The following OR8I2 variants were observed in gnomAD, a reference collection of about 807,000 sequenced individuals.
OR8I2 encodes the protein olfactory receptor family 8 subfamily I member 2, also known as olfactory receptor 8I2.
For missense variants in OR8I2, 431 were observed against 368.3 expected, an observed-to-expected ratio of 1.17 and a Z score of -1.39; for synonymous variants, 158 against 142.8, an observed-to-expected ratio of 1.11 and a Z score of -0.76.
Position 56,093,456 on chromosome 11 carries a change from GAAT to G in OR8I2, c.150_152del (p.Met51del). 6.2e-7 allele frequency: 1 copy of G among 1,613,876 alleles called. No individual in the cohort carries two copies. Among genetic ancestry groups the G allele is most frequent in the Non-Finnish European group, 8.5e-7 (1 of 1,179,882 alleles). Reference sequence around the variant, plus strand: ...AACCTGGGACTGATCACGTTAATCAGAATGGATTCTCAGCTTCACACCCCTATG... The same window carrying G: ...AACCTGGGACTGATCACGTTAATCAGGGATTCTCAGCTTCACACCCCTATG... On this transcript the variant is annotated inframe_deletion, in exon 1 of 1. Coordinates refer to ENST00000302124, the MANE Select transcript of OR8I2 (RefSeq NM_001003750.1).
chr11:56,093,694 CTTACTGTA>C lies in OR8I2; in HGVS notation c.390_397del (p.Leu130PhefsTer38). On this transcript the variant is annotated frameshift_variant, in exon 1 of 1. Transcript: ENST00000302124. LOFTEE classifies it low-confidence loss of function (END_TRUNC). ...ATCGCTACATAGCAATCTGCAATCC[CTTACTGTA>C]TTCAGTAGTCATGTCCCAAAAAGTG... The C allele has an allele frequency of 6.2e-7, 1 of 1,614,004 alleles. No individual in the cohort carries two copies. Among genetic ancestry groups the C allele is most frequent in the Non-Finnish European group, 8.5e-7 (1 of 1,179,954 alleles).
At position 56,094,095 on chromosome 11, in the gene OR8I2, A is replaced by G; in HGVS notation, c.788A>G (p.Asn263Ser). The G allele has an allele frequency of 3.1e-6, 5 of 1,614,064 alleles. No individual in the cohort carries two copies. In the South Asian group the frequency reaches 5.5e-5, roughly 18 times the overall value. The change falls in exon 1 of 1, where the codon AAC (asparagine) becomes AGC (serine). Residue 263 changes from asparagine to serine, a missense_variant. Physicochemically the swap from Asn to Ser is conservative, Grantham distance 46. Transcript: ENST00000302124. ...ATTTTCACCTATTTGCAACCTGATA[A>G]CACATCATCGCTGACCCAGGCGCAG... ...SLIFTYLQPD[N>S]TSSLTQAQVA...
chr11:56,093,582 T>C lies in OR8I2; in HGVS notation c.275T>C (p.Ile92Thr), dbSNP rs770392973. ...LVNFQSNRRSISFVGCFVQMY... is the reference protein window; with the variant it reads ...LVNFQSNRRSTSFVGCFVQMY... ...AATTTCCAATCCAATCGGAGATCCATCTCCTTTGTTGGCTGCTTTGTTCAA... is the reference window on the plus strand; with the variant it reads ...AATTTCCAATCCAATCGGAGATCCACCTCCTTTGTTGGCTGCTTTGTTCAA... The change falls in exon 1 of 1, where the codon ATC (isoleucine) becomes ACC (threonine). Residue 92 changes from isoleucine (I) to threonine (T), a missense_variant. Physicochemically the swap from Ile to Thr is moderately conservative, Grantham distance 89 (BLOSUM62 -1). Coordinates refer to ENST00000302124, the MANE Select transcript of OR8I2 (RefSeq NM_001003750.1). The C allele has an allele frequency of 1.2e-6, 2 of 1,613,966 alleles. No homozygotes were observed. The highest frequency in any genetic ancestry group is 2.2e-5 in the East Asian group (1 of 44,862).
chr11:56,094,221 A>G lies in OR8I2; in HGVS notation c.914A>G (p.His305Arg), dbSNP rs563867317. 19 of 1,546,844 alleles carry G rather than the reference A, an allele frequency of 1.2e-5. No individual in the cohort carries two copies. Among genetic ancestry groups the G allele is most frequent in the Non-Finnish European group, 1.6e-5 (18 of 1,136,390 alleles). Residue 305 changes from histidine (H) to arginine (R), a missense_variant, in exon 1 of 1, where the codon CAT becomes CGT. Physicochemically the swap from His to Arg is conservative, Grantham distance 29 (BLOSUM62 0). Coordinates refer to ENST00000302124, the MANE Select transcript of OR8I2 (RefSeq NM_001003750.1). ...DVKNALLRVI[H>R]RKLFP ...AAAAATGCTCTTCTGAGAGTCATACATAGAAAACTTTTTCCATGACAAATT... is the reference window on the plus strand; with the variant it reads ...AAAAATGCTCTTCTGAGAGTCATACGTAGAAAACTTTTTCCATGACAAATT...
rs370787181 is a variant in OR8I2, at chr11:56,093,678, T to C, written c.371T>C (p.Ile124Thr). The C allele has an allele frequency of 1.1e-5, 17 of 1,613,990 alleles. No homozygotes were observed. The highest frequency in any genetic ancestry group is 1.3e-5 in the African/African-American group (1 of 75,046). The part of the protein sequence containing the change: ...LLGSMAYNRY[I>T]AICNPLLYSV... Reference sequence around the variant, plus strand: ...GGATCAATGGCCTACAATCGCTACATAGCAATCTGCAATCCCTTACTGTAT... The same window carrying C: ...GGATCAATGGCCTACAATCGCTACACAGCAATCTGCAATCCCTTACTGTAT... Residue 124 changes from isoleucine (I) to threonine (T), a missense_variant, in exon 1 of 1, where the codon ATA becomes ACA. Transcript: ENST00000302124.
At position 56,093,455 on chromosome 11, in the gene OR8I2, A is replaced by T; in HGVS notation, c.148A>T (p.Arg50Ter). ...LGNLGLITLI[R>*]MDSQLHTPMY... ...AAACCTGGGACTGATCACGTTAATC[A>T]GAATGGATTCTCAGCTTCACACCCC... The change falls in exon 1 of 1, where the codon AGA (arginine) becomes TGA (stop). Residue 50 changes from arginine to a stop codon, truncating the protein, a stop_gained. Coordinates refer to ENST00000302124, the MANE Select transcript of OR8I2 (RefSeq NM_001003750.1). LOFTEE classifies it low-confidence loss of function (END_TRUNC). 1 of 1,613,966 alleles carries T rather than the reference A, an allele frequency of 6.2e-7. No individual in the cohort carries two copies. Among genetic ancestry groups the T allele is most frequent in the South Asian group, 1.1e-5 (1 of 91,088 alleles).
At position 56,093,685 on chromosome 11, in the gene OR8I2, C is replaced by G. The variant is rs1328421493; in HGVS notation, c.378C>G (p.Ile126Met). 2 of 1,613,870 alleles carry G rather than the reference C, an allele frequency of 1.2e-6. No homozygotes were observed. The highest frequency in any genetic ancestry group is 3.3e-5 in the Admixed American group (2 of 59,954). Reference protein sequence around the residue: ...GSMAYNRYIAICNPLLYSVVM... With the variant: ...GSMAYNRYIAMCNPLLYSVVM... ...TGGCCTACAATCGCTACATAGCAAT[C>G]TGCAATCCCTTACTGTATTCAGTAG... is the stretch of plus-strand genomic sequence containing the variant. Residue 126 changes from isoleucine (I) to methionine (M), a missense_variant, in exon 1 of 1, where the codon ATC becomes ATG. Coordinates refer to ENST00000302124, the MANE Select transcript of OR8I2 (RefSeq NM_001003750.1).
chr11:56,093,716 T>A lies in OR8I2; in HGVS notation c.409T>A (p.Ser137Thr). Residue 137 changes from serine to threonine, a missense_variant, in exon 1 of 1, where the codon TCC becomes ACC. Coordinates refer to ENST00000302124, the MANE Select transcript of OR8I2 (RefSeq NM_001003750.1). Reference protein sequence around the residue: ...CNPLLYSVVMSQKVSNWLGVM... With the variant: ...CNPLLYSVVMTQKVSNWLGVM... ...TCCCTTACTGTATTCAGTAGTCATG[T>A]CCCAAAAAGTGTCCAACTGGCTGGG... 1 of 1,614,020 alleles carries A rather than the reference T, an allele frequency of 6.2e-7. No individual in the cohort carries two copies. The highest frequency in any genetic ancestry group is 1.3e-5 in the African/African-American group (1 of 75,032).
chr11:56,094,018 C>T lies in OR8I2; in HGVS notation c.711C>T (p.Phe237=), dbSNP rs901218079. ...IQSAAGRQKA[F]STCASHLMAV... ...CAGCAGCAGGCAGGCAGAAGGCCTT[C>T]TCCACCTGCGCATCCCACCTCATGG... The change falls in exon 1 of 1, where the codon TTC becomes TTT. Residue 237 remains phenylalanine, a synonymous_variant. Coordinates refer to ENST00000302124, the MANE Select transcript of OR8I2 (RefSeq NM_001003750.1). The T allele has an allele frequency of 1.2e-6, 2 of 1,613,932 alleles. No individual in the cohort carries two copies. The highest frequency in any genetic ancestry group is 1.3e-5 in the African/African-American group (1 of 75,034).
At position 56,093,451 on chromosome 11, in the gene OR8I2, A is replaced by T; in HGVS notation, c.144A>T (p.Leu48Phe). 1 of 1,613,878 alleles carries T rather than the reference A, an allele frequency of 6.2e-7. No homozygotes were observed. Residue 48 changes from leucine to phenylalanine, a missense_variant, in exon 1 of 1, where the codon TTA becomes TTT. Transcript: ENST00000302124. The stretch of plus-strand genomic sequence containing the variant: ...TGGGAAACCTGGGACTGATCACGTT[A>T]ATCAGAATGGATTCTCAGCTTCACA... ...TVLGNLGLIT[L>F]IRMDSQLHTP...
chr11:56,094,105 G>C lies in OR8I2; in HGVS notation c.798G>C (p.Ser266=), dbSNP rs1187305308. The C allele has an allele frequency of 6.2e-7, 1 of 1,613,932 alleles. No homozygotes were observed. The highest frequency in any genetic ancestry group is 8.5e-7 in the Non-Finnish European group (1 of 1,180,016). The change falls in exon 1 of 1, where the codon TCG becomes TCC. Residue 266 remains serine, a synonymous_variant. Transcript: ENST00000302124. ...ATTTGCAACCTGATAACACATCATCGCTGACCCAGGCGCAGGTGGCATCTG... is the reference window on the plus strand; with the variant it reads ...ATTTGCAACCTGATAACACATCATCCCTGACCCAGGCGCAGGTGGCATCTG... ...FTYLQPDNTS[S]LTQAQVASVF... is the part of the protein sequence containing the mutation.
chr11:56,093,385 T>A lies in OR8I2; in HGVS notation c.78T>A (p.Ser26Arg), dbSNP rs901874021. ...GFANHPELQV[S>R]LFLMFLFIYL... ...CAAATCACCCTGAATTACAAGTCAG[T>A]CTTTTCTTGATGTTTCTCTTCATTT... Residue 26 changes from serine (S) to arginine (R), a missense_variant, in exon 1 of 1, where the codon AGT becomes AGA. Physicochemically the swap from Ser to Arg is moderately radical, Grantham distance 110. Coordinates refer to ENST00000302124, the MANE Select transcript of OR8I2 (RefSeq NM_001003750.1). The A allele has an allele frequency of 8.7e-6, 14 of 1,613,130 alleles. No homozygotes were observed. The highest frequency in any genetic ancestry group is 1.2e-5 in the Non-Finnish European group (14 of 1,179,600).
In OR8I2 at chr11:56,093,985, G is replaced by A. The variant is rs767011003; in HGVS notation, c.678G>A (p.Arg226=). ...TCATCATCATCTCAGCCATCCTGAG[G>A]ATCCAGTCAGCAGCAGGCAGGCAGA... ...TYIIIISAIL[R]IQSAAGRQKA... Residue 226 remains arginine (R), a synonymous_variant, in exon 1 of 1, where the codon AGG becomes AGA. Coordinates refer to ENST00000302124, the MANE Select transcript of OR8I2 (RefSeq NM_001003750.1). 4 of 1,613,920 alleles carry A rather than the reference G, an allele frequency of 2.5e-6. No homozygotes were observed. The East Asian group carries it at 8.9e-5, about 36-fold the overall frequency.
Position 56,094,082 on chromosome 11 carries a change from T to C in OR8I2, c.775T>C (p.Leu259=), listed in dbSNP as rs781609430. The C allele has an allele frequency of 1.2e-6, 2 of 1,614,084 alleles. No homozygotes were observed. The highest frequency in any genetic ancestry group is 1.7e-6 in the Non-Finnish European group (2 of 1,180,014). The change falls in exon 1 of 1, where the codon TTG becomes CTG. Residue 259 remains leucine, a synonymous_variant. Transcript: ENST00000302124. The part of the protein sequence containing the change: ...IFYGSLIFTY[L]QPDNTSSLTQ... ...TTATGGGTCTCTGATTTTCACCTAT[T>C]TGCAACCTGATAACACATCATCGCT... is the stretch of plus-strand genomic sequence containing the variant.
In OR8I2 at chr11:56,093,811, C is replaced by T; in HGVS notation, c.504C>T (p.Phe168=). ...ISVWVISSLA[F]CDSSINHFFC... Reference sequence around the variant, plus strand: ...TCTGGGTGATAAGCAGTTTGGCGTTCTGTGATTCCAGCATCAATCATTTTT... The same window carrying T: ...TCTGGGTGATAAGCAGTTTGGCGTTTTGTGATTCCAGCATCAATCATTTTT... Residue 168 remains phenylalanine, a synonymous_variant, in exon 1 of 1, where the codon TTC becomes TTT. Transcript: ENST00000302124. 3.7e-6 allele frequency: 6 copies of T among 1,613,738 alleles called. No individual in the cohort carries two copies. The highest frequency in any genetic ancestry group is 5.1e-6 in the Non-Finnish European group (6 of 1,179,822).
chr11:56,093,476 A>G lies in OR8I2; in HGVS notation c.169A>G (p.Thr57Ala). The G allele has an allele frequency of 6.2e-7, 1 of 1,613,794 alleles. No homozygotes were observed. Among genetic ancestry groups the G allele is most frequent in the Non-Finnish European group, 8.5e-7 (1 of 1,179,864 alleles). Residue 57 changes from threonine to alanine, a missense_variant, in exon 1 of 1, where the codon ACC becomes GCC. Physicochemically the swap from Thr to Ala is moderately conservative, Grantham distance 58 (BLOSUM62 0). Transcript: ENST00000302124. ...AATCAGAATGGATTCTCAGCTTCAC[A>G]CCCCTATGTACTTTTTCCTGAGCAA... ...TLIRMDSQLH[T>A]PMYFFLSNLA...
In OR8I2 at chr11:56,093,991, G is replaced by A. The variant is rs750782194; in HGVS notation, c.684G>A (p.Gln228=). 2.8e-5 allele frequency: 45 copies of A among 1,613,840 alleles called. No homozygotes were observed. Among genetic ancestry groups the A allele is most frequent in the Non-Finnish European group, 3.3e-5 (39 of 1,179,964 alleles). The change falls in exon 1 of 1, where the codon CAG becomes CAA. Residue 228 remains glutamine (Q), a synonymous_variant. Coordinates refer to ENST00000302124, the MANE Select transcript of OR8I2 (RefSeq NM_001003750.1). ...TCATCTCAGCCATCCTGAGGATCCA[G>A]TCAGCAGCAGGCAGGCAGAAGGCCT... ...IIIISAILRI[Q]SAAGRQKAFS... is the part of the protein sequence containing the mutation.
chr11:56,093,855 T>C lies in OR8I2; in HGVS notation c.548T>C (p.Leu183Pro), dbSNP rs1853915563. The change falls in exon 1 of 1, where the codon CTT becomes CCT. Residue 183 changes from leucine to proline, a missense_variant. Leu to Pro is a moderately conservative substitution (Grantham distance 98). Transcript: ENST00000302124. Reference sequence around the variant, plus strand: ...CATTTTTTTTGTGACACCACAGCTCTTTTAGCACTCTCCTGTGTAGATACA... The same window carrying C: ...CATTTTTTTTGTGACACCACAGCTCCTTTAGCACTCTCCTGTGTAGATACA... Reference protein sequence around the residue: ...INHFFCDTTALLALSCVDTFG... With the variant: ...INHFFCDTTAPLALSCVDTFG... 3.1e-6 allele frequency: 5 copies of C among 1,614,054 alleles called. No homozygotes were observed. Among genetic ancestry groups the C allele is most frequent in the Non-Finnish European group, 4.2e-6 (5 of 1,179,950 alleles).
rs756029254 is a variant in OR8I2, at chr11:56,093,577, A to C, written c.270A>C (p.Arg90Ser). The C allele has an allele frequency of 3.1e-6, 5 of 1,613,962 alleles. No individual in the cohort carries two copies. Among genetic ancestry groups the C allele is most frequent in the Non-Finnish European group, 4.2e-6 (5 of 1,179,970 alleles). Residue 90 changes from arginine (R) to serine (S), a missense_variant, in exon 1 of 1, where the codon AGA (arginine) becomes AGC (serine). Coordinates refer to ENST00000302124, the MANE Select transcript of OR8I2 (RefSeq NM_001003750.1). ...KALVNFQSNR[R>S]SISFVGCFVQ... ...TGGTGAATTTCCAATCCAATCGGAGATCCATCTCCTTTGTTGGCTGCTTTG... is the reference window on the plus strand; with the variant it reads ...TGGTGAATTTCCAATCCAATCGGAGCTCCATCTCCTTTGTTGGCTGCTTTG...
Sources: allele counts gnomAD v4.1 joint callset, GRCh38; gene constraint gnomAD v4.1.1; transcripts MANE v1.5; gene names NCBI Gene and HGNC (gene_info 2026-07-23, HGNC 2026-07-21).